Variants in METTL6 observed in about 807,000 individuals in gnomAD.
METTL6 encodes the protein tRNA N(3)-cytidine methyltransferase METTL6.
Under a neutral mutation model 26.4 loss-of-function variants are expected in METTL6, and 22 were observed. The observed-to-expected ratio is 0.83, with a 90% CI of 0.59 to 1.19. The LOEUF (loss-of-function observed/expected upper bound fraction) is 1.19. METTL6 is among the 50% of genes most tolerant of loss of function. The pLI is 0.00. For missense variants in METTL6, 304 were observed against 324.8 expected, an observed-to-expected ratio of 0.94 and a Z score of 0.49; for synonymous variants, 109 against 116.2, an observed-to-expected ratio of 0.94 and a Z score of 0.40.
chr3:15,420,521 G>A (rs1316113935), intron 3 of METTL6, among the ~76,000 whole-genome samples: 1 of 152,194 alleles, frequency 6.6e-6, no homozygotes, highest in African/African-American at 2.4e-5. Flanking sequence ...CATTACATTT[G>A]TACTGCGTCA....
At chr3:15,413,942 C>A (rs114644008) in intron 5 of METTL6, 79 bp downstream of exon 5, 2 of 1,601,892 alleles carry the variant, frequency 1.2e-6, no homozygotes, top group South Asian at 2.2e-5. Flanking sequence ...CTTCTCCAAG[C>A]AGCCTTGCAG....
intron 6 of METTL6, chr3:15,399,544 T>TGTGTGTGTGTGTGTG (rs1699582696): frequency 8.4e-6 from 1 of 118,470 alleles, no homozygotes; most frequent in African/African-American, 3.3e-5. Context: ...CCAGGAGAAA[T>TGTGTGTGTGTGTGTG]TGTGTGTGTG....
downstream of METTL6, among the ~76,000 whole-genome samples, chr3:15,405,348 T>C (rs537203215): frequency 6.6e-6 from 1 of 152,348 alleles, no homozygotes; most frequent in Admixed American, 6.5e-5. Context: ...AAAGCACCCT[T>C]GCTTTCTAAT....
intron 6 of METTL6, among the ~76,000 whole-genome samples, chr3:15,390,590 C>T (rs1699317768): frequency 6.6e-6 from 1 of 152,180 alleles, no homozygotes; most frequent in South Asian, 2.1e-4. Context: ...TGAGTGAGTG[C>T]AGGAACTGGA....
intron 6 of METTL6, among the ~76,000 whole-genome samples, chr3:15,404,155 C>G (rs1427018531): frequency 1.3e-5 from 2 of 152,056 alleles, no homozygotes; most frequent in Non-Finnish European, 2.9e-5. Flanking sequence ...TCTACTCAGC[C>G]CCTATTCAAA....
chr3:15,407,019 T>A (rs971502994), downstream of METTL6, among the ~76,000 whole-genome samples: 1 of 151,788 alleles, frequency 6.6e-6, no homozygotes, highest in Non-Finnish European at 1.5e-5. Flanking sequence ...AATATTGTTT[T>A]TATTGTTTAT....
intron 4 of METTL6, 69 bp from the exon 5 acceptor site, chr3:15,414,231 G>A: frequency 6.5e-7 from 1 of 1,542,338 alleles, no homozygotes; most frequent in Non-Finnish European, 8.7e-7. Flanking sequence ...ATTAAGTTAG[G>A]ACTTAAAATA....
intron 3 of METTL6, among the ~76,000 whole-genome samples, chr3:15,417,825 G>A (rs1460877087): frequency 6.6e-6 from 1 of 152,106 alleles, no homozygotes; most frequent in Non-Finnish European, 1.5e-5. Context: ...CACGGTACCA[G>A]TTCAAATTTG....
chr3:15,414,875 C>T lies in METTL6; in HGVS notation c.532-713G>A, dbSNP rs547802593. The stretch of plus-strand genomic sequence containing the variant: ...AAGTTGAGGCTGCAGTGAGCCACGT[C>T]CATGCCACTGCACTCCAGCCTGAGT... On this transcript the variant is annotated intron_variant, in intron 4 of 5. Transcript: ENST00000383790. 1.8e-4 allele frequency: 146 copies of T among 829,884 alleles called. No homozygotes were observed. The African/African-American group carries it at 2.5e-3, about 14-fold the overall frequency. The allele number at this position is 829,884 out of a possible 1,614,324, so 51.4% of individuals were successfully genotyped here.
intron 4 of METTL6, 191 bp from the exon 5 acceptor site, chr3:15,414,353 ACTT>A (rs1440337110): frequency 2.3e-6 from 3 of 1,277,612 alleles, no homozygotes; most frequent in East Asian, 3.4e-5. Flanking sequence ...ACACTAAGAC[ACTT>A]CTTTTTTTTT....
intron 5 of METTL6, among the ~76,000 whole-genome samples, chr3:15,412,337 G>A (rs56339732): frequency 0.093 from 14,112 of 152,182 alleles, 1,015 homozygotes; most frequent in African/African-American, 0.2. Flanking sequence ...ATAAAGACTC[G>A]TACTAAGAGC....
chr3:15,414,859 C>G (rs1251626482), intron 4 of METTL6: 3 of 642,472 alleles, frequency 4.7e-6, no homozygotes, highest in South Asian at 4.5e-5. Context: ...GAAGTTGAGG[C>G]TGCAGTGAGC....
At position 15,388,710 on chromosome 3, in the gene METTL6, C is replaced by A. The variant is rs558541115; in HGVS notation, c.*12-4523G>T. ...TGACTCCTAAACCATAATTTCTAAT[C>A]TTGTGGCTAGTTTCTTAGTCCTACA... On this transcript the variant is annotated intron_variant, in intron 6 of 6. Transcript: ENST00000443029. Among the ~76,000 whole-genome samples, 7 of 152,314 alleles carry A rather than the reference C, an allele frequency of 4.6e-5. No homozygotes were observed. The South Asian group carries it at 1.5e-3, about 32-fold the overall frequency.
At chr3:15,408,937 G>A (rs1699874041), downstream of METTL6, among the ~76,000 whole-genome samples, 1 of 152,088 alleles carries the variant, frequency 6.6e-6, no homozygotes, top group Non-Finnish European at 1.5e-5. Flanking sequence ...CTGGCTGTGG[G>A]ATTCATTTGG....
At chr3:15,427,596 T>A, upstream of METTL6, 1 of 600,734 alleles carries the variant, frequency 1.7e-6, no homozygotes, top group Admixed American at 3.0e-5. Flanking sequence ...CTCCTCAGAT[T>A]CCTCTCTCAC....
intron 3 of METTL6, among the ~76,000 whole-genome samples, chr3:15,419,773 T>TA (rs1205745073): frequency 6.6e-6 from 1 of 151,994 alleles, no homozygotes; most frequent in Admixed American, 6.6e-5. Flanking sequence ...TTTGGGAACA[T>TA]ATATATGATG....
rs558653405 is a variant in METTL6 at position 15,416,241 on chromosome 3, T to G, written c.361-299A>C. The stretch of plus-strand genomic sequence containing the variant: ...TTCCAGAGGGATGATGATCCAAAAC[T>G]GGCCTCTGCTTCTTTTTGTTTTTTA... On this transcript the variant is annotated intron_variant, in intron 3 of 5. Coordinates refer to ENST00000383790, the MANE Select transcript of METTL6 (RefSeq NM_152396.4). 1.4e-4 allele frequency among the ~76,000 whole-genome samples: 22 copies of G among 152,266 alleles called. No individual in the cohort carries two copies. In the South Asian group the frequency reaches 4.1e-3, roughly 29 times the overall value.
chr3:15,415,743 C>A, intron 4 of METTL6, 29 bp downstream of exon 4: 1 of 1,608,612 alleles, frequency 6.2e-7, no homozygotes. Context: ...GACTGTCCAA[C>A]CCTCAAGTGC....
intron 6 of METTL6, among the ~76,000 whole-genome samples, chr3:15,391,643 C>T: frequency 9.3e-6 from 1 of 107,310 alleles, no homozygotes; most frequent in Non-Finnish European, 1.8e-5. Context: ...TGCTATCCCT[C>T]CCCCCTCCCC....
Sources: gnomAD v4.1 joint callset for allele counts (sites outside exome capture counted in the v4.1 genomes callset) on GRCh38, gnomAD v4.1.1 for gene constraint, MANE v1.5 for transcripts, NCBI Gene and HGNC (gene_info 2026-07-23, HGNC 2026-07-21) for gene names.